The following TTLL3 variants were observed in gnomAD, a reference collection of about 807,000 sequenced individuals.
TTLL3 encodes tubulin monoglycylase TTLL3.
Under a neutral mutation model 75.2 loss-of-function variants are expected in TTLL3, and 63 were observed. The ratio of observed to expected loss-of-function variants is 0.84; its 90% CI spans 0.68 to 1.03. The LOEUF (loss-of-function observed/expected upper bound fraction) is 1.03. Among genes scored for constraint, TTLL3 ranks in the 50% least tolerant of loss-of-function variants. The probability of loss-of-function intolerance (pLI) is 0.00; values close to 1 mark genes in which losing one functional copy is unlikely to be tolerated. For missense variants in TTLL3, 997 were observed against 1,069.9 expected (o/e 0.93, Z 0.95); for synonymous variants, 393 against 418.5 (o/e 0.94, Z 0.74).
chr3:9,820,302 G>A (rs1214826493), intron 7 of TTLL3: 1 of 1,347,872 alleles, frequency 7.4e-7, no homozygotes, highest in Non-Finnish European at 9.5e-7. Context: ...AGGCCTTGGG[G>A]ACATTTAGGG....
At chr3:9,813,197 G>T (rs192932739) in intron 3 of TTLL3, 51 bp from the exon 4 acceptor site, 296 of 1,613,828 alleles carry the variant, frequency 1.8e-4, no homozygotes, top group Middle Eastern at 1.2e-3. Flanking sequence ...GGCCTTATGG[G>T]CTATGGGTCA....
intron 10 of TTLL3, chr3:9,827,691 C>T (rs9827315): frequency 0.63 from 124,690 of 197,590 alleles, 41,244 homozygotes; most frequent in Non-Finnish European, 0.7. Flanking sequence ...CCTGGCCCCT[C>T]CAACAGATTT....
At chr3:9,834,577 C>A in intron 12 of TTLL3, 104 bp from the exon 13 acceptor site, 1 of 1,542,578 alleles carries the variant, frequency 6.5e-7, no homozygotes, top group Non-Finnish European at 8.8e-7. Flanking sequence ...TCGGCCTTCA[C>A]CCCATTCCCT....
rs749838114 is a variant in TTLL3, at chr3:9,817,738, G to A, written c.538G>A (p.Asp180Asn). Residue 180 changes from aspartate to asparagine, a missense_variant, in exon 6 of 14, where the codon GAT becomes AAT. By Grantham distance (23) the Asp-to-Asn change is conservative. Transcript: ENST00000685419. Reference protein sequence around the residue: ...FPRCYCLGAEDDKKAFIEDFW... With the variant: ...FPRCYCLGAENDKKAFIEDFW... ...ACGCTGCTACTGCCTGGGGGCTGAG[G>A]ATGACAAAAAAGCCTTCATAGGTAA... 1 of 1,614,132 alleles carries A rather than the reference G, an allele frequency of 6.2e-7. No homozygotes were observed. The highest frequency in any genetic ancestry group is 1.1e-5 in the South Asian group (1 of 91,084).
At chr3:9,818,447 C>T (rs2080096233) in intron 6 of TTLL3, 1 of 184,306 alleles carries the variant, frequency 5.4e-6, no homozygotes, top group Non-Finnish European at 1.1e-5. Context: ...TGGCTCACTG[C>T]AAGCTCCGCC....
chr3:9,827,381 C>A, intron 10 of TTLL3, 141 bp downstream of exon 10: 1 of 1,425,940 alleles, frequency 7.0e-7, no homozygotes, highest in Non-Finnish European at 9.3e-7. Context: ...CCTCATCCTG[C>A]CAGCTGTCCT....
At chr3:9,818,973 G>A (rs2080156424) in intron 7 of TTLL3, 53 bp downstream of exon 7, 10 of 1,610,846 alleles carry the variant, frequency 6.2e-6, no homozygotes, top group Admixed American at 3.3e-5. Flanking sequence ...CCACCCATCC[G>A]CCCTTCCACC....
intron 4 of TTLL3, among the ~76,000 whole-genome samples, chr3:9,814,538 C>T (rs554574774): frequency 6.6e-6 from 1 of 151,914 alleles, no homozygotes; most frequent in Non-Finnish European, 1.5e-5. Context: ...ATCACAGCTA[C>T]TTGGGAGGCT....
At chr3:9,824,474 G>A (rs972024294) in intron 8 of TTLL3, among the ~76,000 whole-genome samples, 1 of 152,190 alleles carries the variant, frequency 6.6e-6, no homozygotes, top group Non-Finnish European at 1.5e-5. Flanking sequence ...GCAATGGCGC[G>A]ATCTCGGCTC....
rs199961665 is a variant in TTLL3 at position 9,835,467 on chromosome 3, C to A, written c.2426C>A (p.Pro809Gln). The change falls in exon 14 of 14, where the codon CCA becomes CAA. Residue 809 changes from proline to glutamine, a missense_variant. Coordinates refer to ENST00000685419, the MANE Select transcript of TTLL3 (RefSeq NM_001387446.1). ...GTGGATGGGGCGAGGCCGTGTACCC[C>A]AGGGTCCACAGCAAGAGCCTGAGGC... Reference protein sequence around the residue: ...SRVDGARPCTPGSTARA With the variant: ...SRVDGARPCTQGSTARA 6.2e-7 allele frequency: 1 copy of A among 1,603,288 alleles called. No homozygotes were observed. Among genetic ancestry groups the A allele is most frequent in the Non-Finnish European group, 8.5e-7 (1 of 1,175,728 alleles).
chr3:9,810,626 C>A lies in TTLL3; in HGVS notation c.-36C>A. On this transcript the variant is annotated 5_prime_UTR_variant, in exon 2 of 14. Coordinates refer to ENST00000685419, the MANE Select transcript of TTLL3 (RefSeq NM_001387446.1). The surrounding 1 kb of genome is among the most constrained non-coding windows in gnomAD (Gnocchi z 4.4). Reference sequence around the variant, plus strand: ...TATTCCGCATCTTTCTGCAGGTTTCCCGGTCCTCTGGCGAGGATCCTCCAA... The same window carrying A: ...TATTCCGCATCTTTCTGCAGGTTTCACGGTCCTCTGGCGAGGATCCTCCAA... 1 of 1,565,958 alleles carries A rather than the reference C, an allele frequency of 6.4e-7. No homozygotes were observed. The highest frequency in any genetic ancestry group is 8.7e-7 in the Non-Finnish European group (1 of 1,154,616).
chr3:9,820,847 AC>A, intron 8 of TTLL3, 106 bp downstream of exon 8: 1 of 1,485,404 alleles, frequency 6.7e-7, no homozygotes, highest in Admixed American at 2.3e-5. Flanking sequence ...CCGCTCGTTT[AC>A]CCCGCTGTTC....
chr3:9,832,079 C>CCTT (rs1334474597), intron 11 of TTLL3, among the ~76,000 whole-genome samples: 4 of 50,604 alleles, frequency 7.9e-5, no homozygotes, highest in South Asian at 4.2e-4. Context: ...GCAATAGCTG[C>CCTT]ATTTTTTTTT....
chr3:9,835,549 G>A lies in TTLL3; in HGVS notation c.*60G>A, dbSNP rs1349090114. ...GAATTCCCACCTAAGGACAGACATGGGGCTTCCTATTTAGGGACTCCCCCA... is the reference window on the plus strand; with the variant it reads ...GAATTCCCACCTAAGGACAGACATGAGGCTTCCTATTTAGGGACTCCCCCA... On this transcript the variant is annotated 3_prime_UTR_variant, in exon 14 of 14. Transcript: ENST00000685419. The A allele has an allele frequency of 4.4e-5, 65 of 1,488,866 alleles. No homozygotes were observed. The highest frequency in any genetic ancestry group is 5.6e-5 in the Non-Finnish European group (63 of 1,115,562). The allele number at this position is 1,488,866 out of a possible 1,614,324, so 92.2% of individuals were successfully genotyped here.
chr3:9,816,781 G>A (rs1332718283), intron 5 of TTLL3, among the ~76,000 whole-genome samples: 1 of 152,040 alleles, frequency 6.6e-6, no homozygotes, highest in Non-Finnish European at 1.5e-5. Flanking sequence ...TCGGGCACGA[G>A]CCATCATGCG....
At chr3:9,827,495 T>C in intron 10 of TTLL3, 1 of 510,412 alleles carries the variant, frequency 2.0e-6, no homozygotes. Flanking sequence ...CTTGACTTCC[T>C]GTGCTCAAGC....
chr3:9,816,332 T>C (rs1429775785), intron 5 of TTLL3, 130 bp downstream of exon 5: 3 of 1,020,400 alleles, frequency 2.9e-6, no homozygotes, highest in African/African-American at 3.4e-5. Context: ...ATTCAGAAAA[T>C]TTGGAGTCTG....
chr3:9,819,168 C>G (rs759030642), intron 7 of TTLL3: 3 of 536,514 alleles, frequency 5.6e-6, no homozygotes, highest in Non-Finnish European at 1.0e-5. Flanking sequence ...TCCTTCCATC[C>G]TCCCACCTGT....
At chr3:9,814,346 T>TA (rs2079623914) in intron 4 of TTLL3, among the ~76,000 whole-genome samples, 1 of 143,148 alleles carries the variant, frequency 7.0e-6, no homozygotes, top group Non-Finnish European at 1.5e-5. Flanking sequence ...AAAAAATAAA[T>TA]AAATAAAATA....
Sources: allele counts gnomAD v4.1 joint callset (sites outside exome capture counted in the v4.1 genomes callset), GRCh38; gene constraint gnomAD v4.1.1; non-coding constraint Gnocchi (gnomAD v3.1); transcripts MANE v1.5; gene names NCBI Gene and HGNC (gene_info 2026-07-23, HGNC 2026-07-21).